PRKCA: variants seen among roughly 807,000 people sequenced by gnomAD.
PRKCA encodes the protein protein kinase C alpha.
Under a neutral mutation model 87.0 loss-of-function variants are expected in PRKCA, and 27 were observed. The ratio of observed to expected loss-of-function variants is 0.31; its 90% confidence interval spans 0.23 to 0.43. The LOEUF (loss-of-function observed/expected upper bound fraction) is 0.43. Ranked by LOEUF, PRKCA falls within the 20% of genes least tolerant of loss-of-function variation. The pLI is 1.00. For missense variants in PRKCA, 518 were observed against 852.3 expected (o/e 0.61, Z 4.88); for synonymous variants, 329 against 311.1 (o/e 1.06, Z -0.61).
intron 3 of PRKCA, among the ~76,000 whole-genome samples, chr17:66,576,873 CTTTTTT>C (rs66875614): frequency 0.46 from 63,419 of 138,334 alleles, 13,876 homozygotes; most frequent in South Asian, 0.57. Flanking sequence ...TGGTGATGTA[CTTTTTT>C]TTTTTTTTTT....
At position 66,645,387 on chromosome 17, in the gene PRKCA, C is replaced by T. The variant is rs748433014; in HGVS notation, c.405C>T (p.Cys135=). Residue 135 remains cysteine (C), a synonymous_variant, in exon 5 of 17, where the codon TGC becomes TGT. Coordinates refer to ENST00000413366, the MANE Select transcript of PRKCA (RefSeq NM_002737.3). ...LIHQGMKCDT[C]DMNVHKQCVI... is the part of the protein sequence containing the mutation. ...CTCTCCTTTCTTGATTCACAGCCTGCGATATGAACGTTCACAAGCAATGCG... is the reference window on the plus strand; with the variant it reads ...CTCTCCTTTCTTGATTCACAGCCTGTGATATGAACGTTCACAAGCAATGCG... The T allele has an allele frequency of 5.6e-6, 9 of 1,614,006 alleles. No homozygotes were observed. The Admixed American group carries it at 8.3e-5, about 15-fold the overall frequency.
At chr17:66,550,973 C>G (rs929084799) in intron 3 of PRKCA, among the ~76,000 whole-genome samples, 2 of 152,116 alleles carry the variant, frequency 1.3e-5, no homozygotes, top group African/African-American at 2.4e-5. Context: ...GTTACATGGG[C>G]GTTTACATCA....
intron 16 of PRKCA, among the ~76,000 whole-genome samples, chr17:66,800,280 G>C (rs1447170276): frequency 6.6e-6 from 1 of 152,234 alleles, no homozygotes; most frequent in Non-Finnish European, 1.5e-5. Context: ...GCAGTGAGCA[G>C]TTTTGAGACC....
chr17:66,743,172 T>C (rs1484610710), intron 13 of PRKCA, among the ~76,000 whole-genome samples: 1 of 152,008 alleles, frequency 6.6e-6, no homozygotes, highest in Non-Finnish European at 1.5e-5. Flanking sequence ...CTACTAAAAA[T>C]ACAAAAAGCC....
intron 2 of PRKCA, among the ~76,000 whole-genome samples, chr17:66,371,472 G>C (rs1403543519): frequency 6.6e-6 from 1 of 152,198 alleles, no homozygotes; most frequent in African/African-American, 2.4e-5. Context: ...TCTGGTTGAT[G>C]AACAGCATAG....
At chr17:66,763,639 C>T (rs560845668) in intron 13 of PRKCA, among the ~76,000 whole-genome samples, 1 of 152,114 alleles carries the variant, frequency 6.6e-6, no homozygotes, top group South Asian at 2.1e-4. Flanking sequence ...TTCCCTGAAA[C>T]AGTAAAAGGA....
At chr17:66,788,213 C>T (rs1975447113) in intron 15 of PRKCA, among the ~76,000 whole-genome samples, 1 of 152,138 alleles carries the variant, frequency 6.6e-6, no homozygotes, top group Non-Finnish European at 1.5e-5. Flanking sequence ...GCATTTGTCA[C>T]GTGTCATCCA....
At chr17:66,665,982 C>T (rs1300105636) in intron 5 of PRKCA, among the ~76,000 whole-genome samples, 1 of 152,144 alleles carries the variant, frequency 6.6e-6, no homozygotes, top group Non-Finnish European at 1.5e-5. Context: ...GACCAGGCCC[C>T]TAGAGACCAA....
At chr17:66,716,225 T>C (rs1598893441) in intron 8 of PRKCA, among the ~76,000 whole-genome samples, 1 of 152,180 alleles carries the variant, frequency 6.6e-6, no homozygotes, top group South Asian at 2.1e-4. Context: ...ACTATTTACT[T>C]TGATGATGTT....
chr17:66,722,604 G>A (rs1973643020), intron 8 of PRKCA, among the ~76,000 whole-genome samples: 1 of 152,200 alleles, frequency 6.6e-6, no homozygotes. Context: ...GCAAACTATT[G>A]TGACTTTTCA....
At chr17:66,621,795 A>ACAT (rs1489270857) in intron 3 of PRKCA, among the ~76,000 whole-genome samples, 2 of 152,186 alleles carry the variant, frequency 1.3e-5, no homozygotes, top group Non-Finnish European at 2.9e-5. Flanking sequence ...CATTTGAAGC[A>ACAT]ATGTATTTGC....
intron 5 of PRKCA, among the ~76,000 whole-genome samples, chr17:66,685,427 G>T (rs1972599926): frequency 6.6e-6 from 1 of 152,082 alleles, no homozygotes; most frequent in South Asian, 2.1e-4. Context: ...GATGAATGAG[G>T]TTAGATATTT....
At chr17:66,512,271 G>A (rs973130415) in intron 3 of PRKCA, among the ~76,000 whole-genome samples, 7 of 151,968 alleles carry the variant, frequency 4.6e-5, no homozygotes, top group South Asian at 2.1e-4. Context: ...GTGAAACCCC[G>A]TCTCTACTAA....
chr17:66,308,575 T>C (rs1904938397), intron 2 of PRKCA, among the ~76,000 whole-genome samples: 1 of 152,214 alleles, frequency 6.6e-6, no homozygotes, highest in Non-Finnish European at 1.5e-5. Context: ...TGAATTACCC[T>C]AGTGCGTTTA....
In PRKCA at chr17:66,738,816, A is replaced by G; in HGVS notation, c.1283A>G (p.His428Arg). 6.2e-7 allele frequency: 1 copy of G among 1,613,810 alleles called. No homozygotes were observed. ...GTCAACGGTGGGGACCTCATGTACC[A>G]CATTCAGCAAGTAGGAAAATTTAAG... Reference protein sequence around the residue: ...EYVNGGDLMYHIQQVGKFKEP... With the variant: ...EYVNGGDLMYRIQQVGKFKEP... Residue 428 changes from histidine to arginine, a missense_variant, in exon 11 of 17, where the codon CAC becomes CGC. Coordinates refer to ENST00000413366, the MANE Select transcript of PRKCA (RefSeq NM_002737.3).
intron 2 of PRKCA, among the ~76,000 whole-genome samples, chr17:66,350,876 T>G (rs929632974): frequency 2.6e-5 from 4 of 152,204 alleles, no homozygotes; most frequent in African/African-American, 9.6e-5. Context: ...CGTGTGCAAA[T>G]GCACAGTCCA....
intron 2 of PRKCA, among the ~76,000 whole-genome samples, chr17:66,411,668 G>A (rs1000059253): frequency 5.3e-5 from 8 of 152,162 alleles, no homozygotes; most frequent in South Asian, 2.1e-4. Context: ...AGAGGTGGAC[G>A]AAACTGCTTG....
chr17:66,606,920 T>C (rs1038832633), intron 3 of PRKCA, among the ~76,000 whole-genome samples: 8 of 152,222 alleles, frequency 5.3e-5, no homozygotes, highest in Non-Finnish European at 1.0e-4. Context: ...TTATATGTAC[T>C]GTAAGTATAA....
At chr17:66,734,649 C>T (rs1973981251) in intron 9 of PRKCA, among the ~76,000 whole-genome samples, 1 of 152,200 alleles carries the variant, frequency 6.6e-6, no homozygotes. Context: ...GCCCTGCTGA[C>T]CTCCTATCTC....
Sources: gnomAD v4.1 joint callset for allele counts (sites outside exome capture counted in the v4.1 genomes callset) on GRCh38, gnomAD v4.1.1 for gene constraint, MANE v1.5 for transcripts, NCBI Gene and HGNC (gene_info 2026-07-23, HGNC 2026-07-21) for gene names.